The following SAP30BP variants were observed in gnomAD, a reference collection of about 807,000 sequenced individuals.
SAP30BP encodes the protein SAP30 binding protein.
SAP30BP carries 31 observed loss-of-function variants against 46.3 expected under a neutral mutation model. The ratio of observed to expected loss-of-function variants is 0.67; its 90% CI spans 0.50 to 0.90. The LOEUF (loss-of-function observed/expected upper bound fraction) is 0.90. SAP30BP is among the 40% of genes least tolerant of loss of function. The pLI, the probability that SAP30BP is intolerant of heterozygous loss-of-function variation, is 0.00. For missense variants in SAP30BP, 312 were observed against 391.0 expected (o/e 0.80, Z 1.70); for synonymous variants, 169 against 144.2 (o/e 1.17, Z -1.23).
In SAP30BP at chr17:75,699,677, G is replaced by T. The variant is rs2060377502; in HGVS notation, c.308-106G>T. 4.1e-6 allele frequency: 3 copies of T among 738,292 alleles called. No homozygotes were observed. The Admixed American group carries it at 5.8e-5, about 14-fold the overall frequency. 45.7% of individuals were successfully genotyped at this position (738,292 alleles called of 1,614,324 possible). A position where few individuals can be genotyped will look rare whatever the true frequency, so the allele number is the denominator to read the frequency against. On this transcript the variant is annotated intron_variant, in intron 4 of 10. Coordinates refer to ENST00000584667, the MANE Select transcript of SAP30BP (RefSeq NM_013260.8). ...AACACTCAGTTGTACTGTTTTCATA[G>T]TGTTTATCCCTACCTGATAACATTT... is the stretch of plus-strand genomic sequence containing the variant.
intron 3 of SAP30BP, among the ~76,000 whole-genome samples, chr17:75,690,423 G>C (rs1414057871): frequency 6.6e-6 from 1 of 152,146 alleles, no homozygotes; most frequent in Non-Finnish European, 1.5e-5. Context: ...GGGTCTCCCT[G>C]TGTCACCCAG....
chr17:75,695,296 A>T, intron 4 of SAP30BP, among the ~76,000 whole-genome samples: 1 of 152,232 alleles, frequency 6.6e-6, no homozygotes, highest in East Asian at 1.9e-4. Flanking sequence ...TGTGACAGTG[A>T]TCAATGTCTC....
At chr17:75,673,621 C>T (rs951753755) in intron 3 of SAP30BP, among the ~76,000 whole-genome samples, 1 of 152,146 alleles carries the variant, frequency 6.6e-6, no homozygotes, top group Non-Finnish European at 1.5e-5. Flanking sequence ...TAACACTTAA[C>T]GGTCACCCCT....
intron 3 of SAP30BP, among the ~76,000 whole-genome samples, chr17:75,674,693 T>TG (rs1353554897): frequency 2.7e-4 from 17 of 63,726 alleles, no homozygotes; most frequent in African/African-American, 5.9e-4. Context: ...TTTGTTTGTT[T>TG]TTTGTTTTTT....
At position 75,707,997 on chromosome 17, in the gene SAP30BP, G is replaced by A. The variant is rs1378989719; in HGVS notation, c.*1476G>A. 1 of 152,236 alleles carries A rather than the reference G, an allele frequency of 6.6e-6. No individual in the cohort carries two copies. Among genetic ancestry groups the A allele is most frequent in the African/African-American group, 2.4e-5 (1 of 41,468 alleles). The allele number at this position is 152,236 out of a possible 1,614,324, so 9.4% of individuals were successfully genotyped here. A position where few individuals can be genotyped will look rare whatever the true frequency, so the allele number is the denominator to read the frequency against. On this transcript the variant is annotated 3_prime_UTR_variant, in exon 11 of 11. Transcript: ENST00000584667. ...AAATCACAGTAATAAAGCGTCGTAA[G>A]ATGGTTGGGAAGAACCAGAGGTGAC...
At chr17:75,695,047 G>A (rs749327601) in intron 4 of SAP30BP, among the ~76,000 whole-genome samples, 6 of 152,098 alleles carry the variant, frequency 3.9e-5, no homozygotes, top group Non-Finnish European at 7.4e-5. Flanking sequence ...CTTGTGCCCC[G>A]ACCGTGTTAC....
At chr17:75,688,809 A>C (rs1265869561) in intron 3 of SAP30BP, among the ~76,000 whole-genome samples, 1 of 152,086 alleles carries the variant, frequency 6.6e-6, no homozygotes, top group Non-Finnish European at 1.5e-5. Flanking sequence ...CTGCAGGAGG[A>C]ACCATATTCC....
At chr17:75,694,623 C>T (rs2060287898) in intron 4 of SAP30BP, among the ~76,000 whole-genome samples, 2 of 5,756 alleles carry the variant, frequency 3.5e-4, no homozygotes, top group African/African-American at 3.8e-4. Flanking sequence ...AGCCGATGGC[C>T]GGCCCAAGGG....
Position 75,674,690 on chromosome 17 carries a change from G to GTTTTTTTTTTTTTTTTTTT in SAP30BP, c.264+2833_264+2834insTTTTTTTTTTTTTTTTTTT, listed in dbSNP as rs1287087489. 8.1e-4 allele frequency among the ~76,000 whole-genome samples: 32 copies of GTTTTTTTTTTTTTTTTTTT among 39,588 alleles called. 3 individuals are homozygous for GTTTTTTTTTTTTTTTTTTT. Among genetic ancestry groups the GTTTTTTTTTTTTTTTTTTT allele is most frequent in the African/African-American group, 1.7e-3 (25 of 15,116 alleles). 26.0% of individuals were successfully genotyped at this position (39,588 alleles called of 152,430 possible). A position where few individuals can be genotyped will look rare whatever the true frequency, so the allele number is the denominator to read the frequency against. On this transcript the variant is annotated intron_variant, in intron 3 of 10. Coordinates refer to ENST00000584667, the MANE Select transcript of SAP30BP (RefSeq NM_013260.8). ...TTAAGCATATGAAGTTTTTTTGTTT[G>GTTTTTTTTTTTTTTTTTTT]TTTTTTGTTTTTTTTTTTTTTTTTT...
chr17:75,700,648 G>T (rs1298724059), intron 5 of SAP30BP, among the ~76,000 whole-genome samples: 1 of 152,254 alleles, frequency 6.6e-6, no homozygotes, highest in Non-Finnish European at 1.5e-5. Context: ...GGGAGGGCCA[G>T]AGCAGGACTG....
In SAP30BP at chr17:75,703,869, C is replaced by T. The variant is rs1476402939; in HGVS notation, c.601+10C>T. On this transcript the variant is annotated intron_variant, in intron 8 of 10. Coordinates refer to ENST00000584667, the MANE Select transcript of SAP30BP (RefSeq NM_013260.8). ...TACTATGAGGCATTAGGTAGCCTTTCGTCCCTCCTCCCATATACCTTGTCC... is the reference window on the plus strand; with the variant it reads ...TACTATGAGGCATTAGGTAGCCTTTTGTCCCTCCTCCCATATACCTTGTCC... The T allele has an allele frequency of 3.7e-6, 6 of 1,602,732 alleles. No homozygotes were observed. The highest frequency in any genetic ancestry group is 4.3e-6 in the Non-Finnish European group (5 of 1,169,604).
chr17:75,678,566 T>C (rs1166597918), intron 3 of SAP30BP, among the ~76,000 whole-genome samples: 1 of 152,156 alleles, frequency 6.6e-6, no homozygotes, highest in African/African-American at 2.4e-5. Context: ...ACTCAGTATG[T>C]CTGGTGTGTG....
chr17:75,689,863 G>C (rs1222639596), intron 3 of SAP30BP, among the ~76,000 whole-genome samples: 3 of 152,214 alleles, frequency 2.0e-5, no homozygotes, highest in Non-Finnish European at 2.9e-5. Flanking sequence ...CCAGTGCCTT[G>C]AACGACTGGC....
chr17:75,668,179 T>C, intron 1 of SAP30BP: 1 of 239,754 alleles, frequency 4.2e-6, no homozygotes, highest in Non-Finnish European at 7.9e-6. Context: ...GGTTAGGTAC[T>C]TCCATGTTTT....
chr17:75,702,302 G>A (rs959541188), intron 5 of SAP30BP, among the ~76,000 whole-genome samples, 178 bp from the exon 6 acceptor site: 4 of 151,356 alleles, frequency 2.6e-5, no homozygotes, highest in African/African-American at 9.7e-5. Context: ...GGGATTACAG[G>A]CGTGAGCCAC....
intron 2 of SAP30BP, among the ~76,000 whole-genome samples, chr17:75,671,187 G>A (rs988376134): frequency 6.6e-6 from 1 of 152,202 alleles, no homozygotes; most frequent in South Asian, 2.1e-4. Context: ...TGGAGGCAGA[G>A]CCCACTCAAC....
At chr17:75,685,242 A>G (rs984527710) in intron 3 of SAP30BP, among the ~76,000 whole-genome samples, 1 of 152,108 alleles carries the variant, frequency 6.6e-6, no homozygotes, top group African/African-American at 2.4e-5. Context: ...TCTGGGACTC[A>G]TTTCTTTGAA....
intron 3 of SAP30BP, chr17:75,683,414 G>T (rs2060114129): frequency 6.6e-6 from 1 of 151,930 alleles, no homozygotes; most frequent in Non-Finnish European, 1.5e-5. Context: ...AACCCATTGA[G>T]ATCTACCAAC....
rs61129195 is a variant in SAP30BP, at chr17:75,699,937, GTCTTAA to G, written c.396+73_396+78del. 2,020 of 1,213,708 alleles carry G rather than the reference GTCTTAA, an allele frequency of 1.7e-3. 20 individuals carry two copies. In the African/African-American group the frequency reaches 0.026, roughly 16 times the overall value. The allele number at this position is 1,213,708 out of a possible 1,614,324, so 75.2% of individuals were successfully genotyped here. ...TAGCCTGGGTTACGTGTTTGGTTTGGTCTTAATCTTAAGAGACCATGGCAGGGAAAG... is the reference window on the plus strand; with the variant it reads ...TAGCCTGGGTTACGTGTTTGGTTTGGTCTTAAGAGACCATGGCAGGGAAAG... On this transcript the variant is annotated intron_variant, in intron 5 of 10. Coordinates refer to ENST00000584667, the MANE Select transcript of SAP30BP (RefSeq NM_013260.8).
Sources: allele counts gnomAD v4.1 joint callset (sites outside exome capture counted in the v4.1 genomes callset), GRCh38; gene constraint gnomAD v4.1.1; transcripts MANE v1.5; gene names NCBI Gene and HGNC (gene_info 2026-07-23, HGNC 2026-07-21).